The following CACNA1H variants were observed in gnomAD, a reference collection of about 807,000 sequenced individuals.
The protein encoded by CACNA1H is calcium voltage-gated channel subunit alpha1 H.
Under a neutral mutation model 192.5 loss-of-function variants are expected in CACNA1H, and 149 were observed. The ratio of observed to expected loss-of-function variants is 0.77; its 90% CI spans 0.68 to 0.89. The LOEUF (loss-of-function observed/expected upper bound fraction) is 0.89. Ranked by LOEUF, CACNA1H falls within the 40% of genes least tolerant of loss-of-function variation. The pLI is 0.00. For missense variants in CACNA1H, 4,257 were observed against 3,423.5 expected (o/e 1.24, Z -6.08); for synonymous variants, 2,202 against 1,475.2 (o/e 1.49, Z -11.29).
chr16:1,200,419 A>C lies in CACNA1H; in HGVS notation c.967A>C (p.Thr323Pro). 1 of 1,609,274 alleles carries C rather than the reference A, an allele frequency of 6.2e-7. No homozygotes were observed. The highest frequency in any genetic ancestry group is 8.5e-7 in the Non-Finnish European group (1 of 1,179,100). ...MPCTLGWEAYTQPQAEGVGAA... is the reference protein window; with the variant it reads ...MPCTLGWEAYPQPQAEGVGAA... The stretch of plus-strand genomic sequence containing the variant: ...CTGCACCCTGGGCTGGGAGGCCTAC[A>C]CGCAGCCGCAGGCCGAGGGGGTGGG... Residue 323 changes from threonine to proline, a missense_variant, in exon 7 of 35, where the codon ACG becomes CCG. By Grantham distance (38) the Thr-to-Pro change is conservative. Coordinates refer to ENST00000348261, the MANE Select transcript of CACNA1H (RefSeq NM_021098.3).
intron 10 of CACNA1H, among the ~76,000 whole-genome samples, chr16:1,204,766 G>A (rs1364681168): frequency 7.5e-6 from 1 of 132,826 alleles, no homozygotes; most frequent in East Asian, 2.3e-4. Flanking sequence ...GTGCCGGGGA[G>A]GGGTGGGAGC....
chr16:1,158,129 C>T (rs532633797), intron 2 of CACNA1H, among the ~76,000 whole-genome samples: 2 of 152,218 alleles, frequency 1.3e-5, no homozygotes, highest in Non-Finnish European at 2.9e-5. Context: ...CTGAGCCCTA[C>T]GGCCTACCCA....
Position 1,202,005 on chromosome 16 carries a change from T to TACCACCACCATC in CACNA1H, c.1566_1577dup (p.His525_His528dup). ...CACAGCCTCGGTGCACCACCTGGTC[T>TACCACCACCATC]ACCACCACCATCACCACCACCACCA... On this transcript the variant is annotated inframe_insertion, in exon 9 of 35. Coordinates refer to ENST00000348261, the MANE Select transcript of CACNA1H (RefSeq NM_021098.3). The TACCACCACCATC allele has an allele frequency of 6.5e-7, 1 of 1,538,598 alleles. No individual in the cohort carries two copies. The highest frequency in any genetic ancestry group is 8.7e-7 in the Non-Finnish European group (1 of 1,143,698).
Position 1,180,232 on chromosome 16 carries a change from G to A in CACNA1H, c.300-14740G>A, listed in dbSNP as rs145713714. Among the ~76,000 whole-genome samples, 262 of 152,336 alleles carry A rather than the reference G, an allele frequency of 1.7e-3. No individual in the cohort carries two copies. Among genetic ancestry groups the A allele is most frequent in the South Asian group, 3.7e-3 (18 of 4,822 alleles). ...GGTGTGCGTCCGCATTGCAGAACAC[G>A]GGGCGTTGCAGGCCGGAGCTGGGTT... On this transcript the variant is annotated intron_variant, in intron 2 of 34. Transcript: ENST00000348261. The surrounding 1 kb of genome is among the most constrained non-coding windows in gnomAD (Gnocchi z 4.4).
At chr16:1,163,749 T>C (rs1207430344) in intron 2 of CACNA1H, among the ~76,000 whole-genome samples, 1 of 152,252 alleles carries the variant, frequency 6.6e-6, no homozygotes. Context: ...GGGACCACGC[T>C]TGCCCAAGCC....
intron 2 of CACNA1H, among the ~76,000 whole-genome samples, chr16:1,186,846 C>T (rs1455581389): frequency 1.3e-5 from 2 of 152,222 alleles, no homozygotes; most frequent in East Asian, 1.9e-4. Context: ...CCATGACCGG[C>T]AGACTTCAGG....
At chr16:1,212,854 C>T (rs1969623725) in intron 26 of CACNA1H, among the ~76,000 whole-genome samples, 1 of 152,206 alleles carries the variant, frequency 6.6e-6, no homozygotes, top group South Asian at 2.1e-4. Flanking sequence ...GCCGCGGGCC[C>T]TCTCCGGCTG....
In CACNA1H at chr16:1,180,871, C is replaced by A. The variant is rs542493617; in HGVS notation, c.300-14101C>A. On this transcript the variant is annotated intron_variant, in intron 2 of 34. Transcript: ENST00000348261. The surrounding 1 kb of genome is among the most constrained non-coding windows in gnomAD (Gnocchi z 4.4). ...GGCCAGCACCCGACCTGGCCGCCAG[C>A]GTGCTGAGGACAGACCTGCTGGGCC... 3.9e-5 allele frequency among the ~76,000 whole-genome samples: 6 copies of A among 152,324 alleles called. No homozygotes were observed. The highest frequency in any genetic ancestry group is 7.4e-5 in the Non-Finnish European group (5 of 68,008).
chr16:1,212,690 C>T (rs1006716190), intron 26 of CACNA1H, among the ~76,000 whole-genome samples, 162 bp downstream of exon 26: 1 of 152,188 alleles, frequency 6.6e-6, no homozygotes, highest in Non-Finnish European at 1.5e-5. Context: ...CCGCCAGTGT[C>T]CGGGCTGCTG....
chr16:1,207,719 GTCCCCAC>G, intron 14 of CACNA1H, 44 bp from the exon 15 acceptor site: 1 of 1,474,288 alleles, frequency 6.8e-7, no homozygotes, highest in South Asian at 1.2e-5. Flanking sequence ...GGCATGAAGG[GTCCCCAC>G]TCACGGGGCC....
chr16:1,187,758 C>T (rs975891395), intron 2 of CACNA1H, among the ~76,000 whole-genome samples: 1 of 152,184 alleles, frequency 6.6e-6, no homozygotes, highest in Non-Finnish European at 1.5e-5. Context: ...TCCATCCCTT[C>T]GCTGGGCTAG....
chr16:1,206,698 C>T, intron 12 of CACNA1H: 1 of 456,772 alleles, frequency 2.2e-6, no homozygotes. Context: ...TCCAGAGAGG[C>T]TGAATGAGGC....
Position 1,153,728 on chromosome 16 carries a change from G to C in CACNA1H, c.-10G>C. The C allele has an allele frequency of 1.7e-6, 2 of 1,203,566 alleles. No individual in the cohort carries two copies. Among genetic ancestry groups the C allele is most frequent in the South Asian group, 7.7e-5 (2 of 25,870 alleles). 74.6% of individuals were successfully genotyped at this position (1,203,566 alleles called of 1,614,324 possible). On this transcript the variant is annotated 5_prime_UTR_variant, in exon 2 of 35. Coordinates refer to ENST00000348261, the MANE Select transcript of CACNA1H (RefSeq NM_021098.3). ...CCCCCTGTCCTCTGCAGGTGCTGCC[G>C]GCCGCCACCATGACCGAGGGCGCAC... is the stretch of plus-strand genomic sequence containing the variant.
At position 1,211,246 on chromosome 16, in the gene CACNA1H, C is replaced by G. The variant is rs752408030; in HGVS notation, c.4302C>G (p.Val1434=). 1 of 1,613,132 alleles carries G rather than the reference C, an allele frequency of 6.2e-7. No individual in the cohort carries two copies. The highest frequency in any genetic ancestry group is 8.5e-7 in the Non-Finnish European group (1 of 1,179,776). The change falls in exon 22 of 35, where the codon GTC becomes GTG. Residue 1434 remains valine, a synonymous_variant. Transcript: ENST00000348261. ...ISSLRPIGNI[V]LICCAFFIIF... ...CACTCAGGCCCATTGGGAACATCGT[C>G]CTCATCTGCTGCGCCTTCTTCATCA...
rs371167728 is a variant in CACNA1H, at chr16:1,204,222, C to T, written c.2215C>T (p.Arg739Cys). 2.0e-5 allele frequency: 32 copies of T among 1,611,700 alleles called. 1 individual carries two copies. Among genetic ancestry groups the T allele is most frequent in the African/African-American group, 1.5e-4 (11 of 75,040 alleles). ...CACGCAGGACGTCCGGCACGGTGAC[C>T]GCTGGGACCCCACGCGACCACCCCG... is the stretch of plus-strand genomic sequence containing the variant. ...EFTQDVRHGD[R>C]WDPTRPPRAT... is the part of the protein sequence containing the mutation. The change falls in exon 10 of 35, where the codon CGC (arginine) becomes TGC (cysteine). Residue 739 changes from arginine to cysteine, a missense_variant. Coordinates refer to ENST00000348261, the MANE Select transcript of CACNA1H (RefSeq NM_021098.3).
intron 2 of CACNA1H, chr16:1,157,848 G>A (rs567345809): frequency 5.3e-5 from 8 of 152,346 alleles, no homozygotes; most frequent in African/African-American, 1.4e-4. Context: ...CAGACTGGAC[G>A]TCCCGTCCCT....
chr16:1,181,665 A>G (rs139618755), intron 2 of CACNA1H, among the ~76,000 whole-genome samples: 100 of 152,330 alleles, frequency 6.6e-4, no homozygotes, highest in African/African-American at 2.4e-3. Flanking sequence ...ATGGCTTTTA[A>G]AATTGTGCGC....
rs950113516 is a variant in CACNA1H at position 1,167,520 on chromosome 16, C to G, written c.299+13484C>G. ...CCATGGGAACCTGTTGCTAATGAATCTCTGGGGTTTCCTGTTACCTTTGCC... is the reference window on the plus strand; with the variant it reads ...CCATGGGAACCTGTTGCTAATGAATGTCTGGGGTTTCCTGTTACCTTTGCC... On this transcript the variant is annotated intron_variant, in intron 2 of 34. Transcript: ENST00000348261. This position sits in a 1 kb window ranked among gnomAD's most constrained non-coding sequence, Gnocchi z 4.2. Among the ~76,000 whole-genome samples, 7 of 152,152 alleles carry G rather than the reference C, an allele frequency of 4.6e-5. No individual in the cohort carries two copies. The highest frequency in any genetic ancestry group is 7.4e-5 in the Non-Finnish European group (5 of 68,024).
intron 8 of CACNA1H, 147 bp from the exon 9 acceptor site, chr16:1,201,516 C>A: frequency 1.0e-6 from 1 of 976,652 alleles, no homozygotes; most frequent in Non-Finnish European, 1.5e-6. Flanking sequence ...CAGCACTGAA[C>A]ACCGCAGCAG....
Sources: allele counts gnomAD v4.1 joint callset (sites outside exome capture counted in the v4.1 genomes callset), GRCh38; gene constraint gnomAD v4.1.1; non-coding constraint Gnocchi (gnomAD v3.1); transcripts MANE v1.5; gene names NCBI Gene and HGNC (gene_info 2026-07-23, HGNC 2026-07-21).